Variants in KDM4A observed in about 807,000 individuals in gnomAD.
KDM4A encodes lysine-specific demethylase 4A.
In KDM4A, 23 loss-of-function variants were observed where a neutral mutation model predicts 127.1. The ratio of observed to expected loss-of-function variants is 0.18; its 90% CI spans 0.13 to 0.26. The LOEUF is 0.26. Among genes scored for constraint, KDM4A ranks in the 10% least tolerant of loss-of-function variants. The pLI, the probability that KDM4A is intolerant of heterozygous loss-of-function variation, is 1.00. For missense variants in KDM4A, 890 were observed against 1,329.1 expected (o/e 0.67, Z 5.14); for synonymous variants, 443 against 466.5 (o/e 0.95, Z 0.65).
chr1:43,687,641 C>T (rs551145360), intron 12 of KDM4A, among the ~76,000 whole-genome samples: 10 of 152,336 alleles, frequency 6.6e-5, no homozygotes, highest in Non-Finnish European at 1.2e-4. Context: ...AGACTGCGCT[C>T]ATTTACTTAT....
At chr1:43,652,187 A>G (rs1660128477) in intron 1 of KDM4A, among the ~76,000 whole-genome samples, 1 of 151,562 alleles carries the variant, frequency 6.6e-6, no homozygotes, top group Admixed American at 6.6e-5. Context: ...GCACCCAGCC[A>G]TGGGTGGCTT....
intron 11 of KDM4A, among the ~76,000 whole-genome samples, chr1:43,682,370 CG>C (rs1322139301): frequency 6.6e-6 from 1 of 152,140 alleles, no homozygotes; most frequent in East Asian, 1.9e-4. Flanking sequence ...AGGTGCTTTC[CG>C]GATGTACGTT....
At chr1:43,661,906 T>C (rs1257763038) in intron 4 of KDM4A, among the ~76,000 whole-genome samples, 1 of 152,146 alleles carries the variant, frequency 6.6e-6, no homozygotes, top group Non-Finnish European at 1.5e-5. Context: ...TTTGTTCTTT[T>C]GTTTTTGAGA....
At chr1:43,658,139 C>T (rs1413400921) in intron 3 of KDM4A, among the ~76,000 whole-genome samples, 1 of 149,074 alleles carries the variant, frequency 6.7e-6, no homozygotes, top group East Asian at 2.0e-4. Flanking sequence ...GGCACAATCT[C>T]ACTCACTGCA....
intron 1 of KDM4A, among the ~76,000 whole-genome samples, chr1:43,652,524 A>T (rs12041746): frequency 0.12 from 18,702 of 151,480 alleles, 1,526 homozygotes; most frequent in African/African-American, 0.24. Flanking sequence ...TTTAAAAAAA[A>T]TTTTTTTTGA....
chr1:43,650,344 T>C (rs1412141581), intron 1 of KDM4A, 92 bp downstream of exon 1: 1 of 150,956 alleles, frequency 6.6e-6, no homozygotes, highest in Non-Finnish European at 1.5e-5. Context: ...TGGGGGTGGG[T>C]CTTCCAGCGG....
rs1484459727 is a variant in KDM4A, at chr1:43,665,505, C to T, written c.624-191C>T. On this transcript the variant is annotated intron_variant, in intron 5 of 21. Coordinates refer to ENST00000372396, the MANE Select transcript of KDM4A (RefSeq NM_014663.3). ...AATGAATATAGAAGAAATAAATTCA[C>T]TCACCTTCTTTATGGGCTCCTTACT... Among the ~76,000 whole-genome samples the T allele has an allele frequency of 3.9e-5, 6 of 151,970 alleles. No individual in the cohort carries two copies. In the South Asian group the frequency reaches 6.2e-4, roughly 16 times the overall value.
rs764794848 is a variant in KDM4A, at chr1:43,683,763, G to A, written c.1814G>A (p.Arg605His). ...GRRQPLSKLP[R>H]HHPLVLQECV... ...CGTCAGCCTTTAAGCAAGCTCCCCC[G>A]CCATCACCCACTTGTGCTGCAGGAG... is the stretch of plus-strand genomic sequence containing the variant. The change falls in exon 12 of 22, where the codon CGC becomes CAC. Residue 605 changes from arginine to histidine, a missense_variant. Physicochemically the swap from Arg to His is conservative, Grantham distance 29 (BLOSUM62 0). Coordinates refer to ENST00000372396, the MANE Select transcript of KDM4A (RefSeq NM_014663.3). The A allele has an allele frequency of 1.7e-5, 27 of 1,613,938 alleles. No homozygotes were observed. The highest frequency in any genetic ancestry group is 5.0e-5 in the Admixed American group (3 of 59,984).
chr1:43,689,183 T>G (rs927916923), intron 13 of KDM4A, 88 bp downstream of exon 13: 6 of 1,411,474 alleles, frequency 4.3e-6, no homozygotes, highest in Non-Finnish European at 5.9e-6. Flanking sequence ...TTGTCACTGG[T>G]TGTCTTGGGA....
chr1:43,652,093 C>T (rs1660126059), intron 1 of KDM4A, among the ~76,000 whole-genome samples: 1 of 152,190 alleles, frequency 6.6e-6, no homozygotes, highest in Admixed American at 6.5e-5. Context: ...AGCCACGTAA[C>T]TTTTATTAGG....
intron 11 of KDM4A, among the ~76,000 whole-genome samples, chr1:43,679,584 T>C (rs1407278458): frequency 6.6e-6 from 1 of 152,154 alleles, no homozygotes; most frequent in East Asian, 1.9e-4. Flanking sequence ...CATGCCACCA[T>C]CTATGTCAAG....
chr1:43,685,618 A>G (rs182323348), intron 12 of KDM4A, among the ~76,000 whole-genome samples: 1 of 152,226 alleles, frequency 6.6e-6, no homozygotes, highest in African/African-American at 2.4e-5. Context: ...AATACAAAAA[A>G]TTAGCTGGGC....
At chr1:43,696,412 G>A (rs1661239610) in intron 18 of KDM4A, among the ~76,000 whole-genome samples, 1 of 152,234 alleles carries the variant, frequency 6.6e-6, no homozygotes, top group African/African-American at 2.4e-5. Flanking sequence ...TAGATGGCCA[G>A]CCCAGAAGGA....
At position 43,667,097 on chromosome 1, in the gene KDM4A, T is replaced by G; in HGVS notation, c.915+6T>G. On this transcript the variant is annotated splice_donor_region_variant and intron_variant, in intron 8 of 21. Transcript: ENST00000372396. ...ACGGCAAGCAAGCTGTGCTGGTAAG[T>G]CTGCTTGATTTCTTTCTATAACACC... The G allele has an allele frequency of 6.2e-7, 1 of 1,614,006 alleles. No homozygotes were observed. The highest frequency in any genetic ancestry group is 1.1e-5 in the South Asian group (1 of 91,028).
At chr1:43,683,282 T>C (rs1029949143) in intron 11 of KDM4A, among the ~76,000 whole-genome samples, 18 of 152,212 alleles carry the variant, frequency 1.2e-4, no homozygotes, top group African/African-American at 2.7e-4. Flanking sequence ...TTGTAACAGG[T>C]ACTGTTGACC....
At chr1:43,703,241 C>CA (rs887347050) in intron 19 of KDM4A, among the ~76,000 whole-genome samples, 7 of 150,692 alleles carry the variant, frequency 4.6e-5, no homozygotes, top group African/African-American at 1.7e-4. Flanking sequence ...CGTGCCTGGC[C>CA]AAAAAAAACA....
At chr1:43,662,007 C>T (rs901796591) in intron 4 of KDM4A, among the ~76,000 whole-genome samples, 3 of 152,134 alleles carry the variant, frequency 2.0e-5, no homozygotes, top group African/African-American at 7.2e-5. Flanking sequence ...GATCCTCCTG[C>T]TTCACCCTCC....
chr1:43,671,014 T>C (rs1660606447), intron 10 of KDM4A, among the ~76,000 whole-genome samples: 1 of 152,228 alleles, frequency 6.6e-6, no homozygotes, highest in Non-Finnish European at 1.5e-5. Flanking sequence ...CCAACATGAT[T>C]TGTGAAGTAT....
chr1:43,658,932 A>G (rs564809101), intron 3 of KDM4A, among the ~76,000 whole-genome samples: 1 of 151,608 alleles, frequency 6.6e-6, no homozygotes, highest in Non-Finnish European at 1.5e-5. Context: ...GAGCCACTGT[A>G]CTTGGCTAGT....
Sources: gnomAD v4.1 joint callset for allele counts (sites outside exome capture counted in the v4.1 genomes callset) on GRCh38, gnomAD v4.1.1 for gene constraint, MANE v1.5 for transcripts, NCBI Gene and HGNC (gene_info 2026-07-23, HGNC 2026-07-21) for gene names.